PCDHGA3: variants seen among roughly 807,000 people sequenced by gnomAD.
PCDHGA3 encodes protocadherin gamma-A3.
In PCDHGA3, 40 loss-of-function variants were observed where a neutral mutation model predicts 58.5. The observed-to-expected ratio is 0.68, with a 90% CI of 0.53 to 0.89. The LOEUF (loss-of-function observed/expected upper bound fraction) is 0.89, where lower values mean the gene tolerates loss of function less well. Ranked by LOEUF, PCDHGA3 falls within the 40% of genes least tolerant of loss-of-function variation. PCDHGA3 has a pLI of 0.00. For missense variants in PCDHGA3, 1,223 were observed against 1,195.9 expected (o/e 1.02, Z -0.33); for synonymous variants, 530 against 525.7 (o/e 1.01, Z -0.11).
At chr5:141,423,994 A>G (rs2096794168) in intron 1 of PCDHGA3, 17 of 1,081,216 alleles carry the variant, frequency 1.6e-5, no homozygotes, top group Non-Finnish European at 1.8e-5. Flanking sequence ...TCAATTTATT[A>G]TATATAGATA....
rs752147264 is a variant in PCDHGA3, at chr5:141,398,602, G to C, written c.2424+52145G>C. 8 of 1,613,936 alleles carry C rather than the reference G, an allele frequency of 5.0e-6. No individual in the cohort carries two copies. The East Asian group carries it at 1.6e-4, about 31-fold the overall frequency. On this transcript the variant is annotated intron_variant, in intron 1 of 3. Transcript: ENST00000253812. ...AAGATTTATACTAGAAGTAGCAGAA[G>C]ATGCAGATATTGGCTTAAACTCTCT...
chr5:141,405,351 C>T (rs2094645564), intron 1 of PCDHGA3: 1 of 1,613,962 alleles, frequency 6.2e-7, no homozygotes, highest in Non-Finnish European at 8.5e-7. Context: ...TCCAAGTTTC[C>T]TATAGAAGAC....
chr5:141,460,924 A>ATG (rs1333352687), intron 1 of PCDHGA3, among the ~76,000 whole-genome samples: 26 of 150,590 alleles, frequency 1.7e-4, no homozygotes, highest in South Asian at 6.3e-4. Flanking sequence ...ATATATATAT[A>ATG]TGTGTGTGTG....
At chr5:141,421,985 C>A (rs762388624) in intron 1 of PCDHGA3, 1 of 1,608,432 alleles carries the variant, frequency 6.2e-7, no homozygotes, top group East Asian at 2.2e-5. Flanking sequence ...GTGAGTGTTC[C>A]AGAAAACATC....
At chr5:141,451,315 T>A (rs2154563546) in intron 1 of PCDHGA3, among the ~76,000 whole-genome samples, 1 of 152,330 alleles carries the variant, frequency 6.6e-6, no homozygotes, top group South Asian at 2.1e-4. Context: ...GCAATTAAAG[T>A]GTCACCTAAG....
chr5:141,345,133 CTCT>C lies in PCDHGA3; in HGVS notation c.1102_1104del (p.Leu368del), dbSNP rs1356108182. On this transcript the variant is annotated inframe_deletion, in exon 1 of 4. Coordinates refer to ENST00000253812, the MANE Select transcript of PCDHGA3 (RefSeq NM_018916.4). ...GAGGGCACCGTTGGAAGAGAAATTG[CTCT>C]TATCGACGTGCATGACCGAGATTCT... The C allele has an allele frequency of 1.2e-6, 2 of 1,613,834 alleles. No individual in the cohort carries two copies. Among genetic ancestry groups the C allele is most frequent in the Non-Finnish European group, 1.7e-6 (2 of 1,179,876 alleles).
At chr5:141,428,091 T>C (rs769710543) in intron 1 of PCDHGA3, 2 of 1,609,000 alleles carry the variant, frequency 1.2e-6, no homozygotes, top group East Asian at 2.2e-5. Flanking sequence ...CGCTTGGCTG[T>C]CCTACCACGT....
chr5:141,389,916 G>C lies in PCDHGA3; in HGVS notation c.2424+43459G>C, dbSNP rs747654268. 3.1e-6 allele frequency: 5 copies of C among 1,613,904 alleles called. No individual in the cohort carries two copies. In the African/African-American group the frequency reaches 6.7e-5, roughly 22 times the overall value. ...GCTGCCGGATATCACTGACCGCCCC[G>C]ACCCCTCTGACCTCCAGGCTGAGCT... On this transcript the variant is annotated intron_variant, in intron 1 of 3. Transcript: ENST00000253812.
intron 1 of PCDHGA3, chr5:141,346,673 A>C (rs1245560400): frequency 2.9e-6 from 2 of 696,314 alleles, no homozygotes; most frequent in African/African-American, 3.6e-5. Flanking sequence ...ATACATCGTG[A>C]GTGAAAGTAA....
chr5:141,413,953 C>A, intron 1 of PCDHGA3: 1 of 1,613,310 alleles, frequency 6.2e-7, no homozygotes, highest in Non-Finnish European at 8.5e-7. Context: ...TGAGAATTTG[C>A]CTGTGGGCAC....
At position 141,351,093 on chromosome 5, in the gene PCDHGA3, T is replaced by C. The variant is rs369082751; in HGVS notation, c.2424+4636T>C. On this transcript the variant is annotated intron_variant, in intron 1 of 3. Coordinates refer to ENST00000253812, the MANE Select transcript of PCDHGA3 (RefSeq NM_018916.4). ...ATTAATGCAGAGATCACCTATGCCTTCCTCAATTCCCCAATAAGTACCAGC... is the reference window on the plus strand; with the variant it reads ...ATTAATGCAGAGATCACCTATGCCTCCCTCAATTCCCCAATAAGTACCAGC... The C allele has an allele frequency of 1.5e-5, 24 of 1,614,042 alleles. No homozygotes were observed. In the East Asian group the frequency reaches 4.7e-4, roughly 31 times the overall value.
chr5:141,419,075 A>C (rs2096322774), intron 1 of PCDHGA3: 3 of 1,613,968 alleles, frequency 1.9e-6, no homozygotes, highest in South Asian at 1.1e-5. Flanking sequence ...CAAGCTAGTA[A>C]CAGATGAGGC....
intron 1 of PCDHGA3, chr5:141,364,410 G>A (rs2149857737): frequency 6.2e-7 from 1 of 1,612,210 alleles, no homozygotes; most frequent in Admixed American, 1.7e-5. Flanking sequence ...TGCGAGCCAG[G>A]ATCCGGGCAG....
At chr5:141,389,449 A>C in intron 1 of PCDHGA3, 2 of 1,610,538 alleles carry the variant, frequency 1.2e-6, no homozygotes, top group Non-Finnish European at 1.7e-6. Context: ...GACCACGAGC[A>C]GCTGCGCGCC....
At chr5:141,347,913 C>T (rs1758037623) in intron 1 of PCDHGA3, among the ~76,000 whole-genome samples, 1 of 152,124 alleles carries the variant, frequency 6.6e-6, no homozygotes, top group Non-Finnish European at 1.5e-5. Context: ...GTGGAAAGCT[C>T]ACCTAGCTAA....
rs1214164512 is a variant in PCDHGA3 at position 141,366,098 on chromosome 5, A to G, written c.2424+19641A>G. ...CGCAGAACCTGGCTACCTGGTGACC[A>G]AGGTGGTAGCGGTGGACAAAGATTC... On this transcript the variant is annotated intron_variant, in intron 1 of 3. Coordinates refer to ENST00000253812, the MANE Select transcript of PCDHGA3 (RefSeq NM_018916.4). The G allele has an allele frequency of 1.9e-6, 3 of 1,614,214 alleles. No homozygotes were observed. In the Admixed American group the frequency reaches 5.0e-5, roughly 27 times the overall value.
At chr5:141,408,780 A>G (rs1304526612) in intron 1 of PCDHGA3, 1 of 1,612,372 alleles carries the variant, frequency 6.2e-7, no homozygotes, top group Non-Finnish European at 8.5e-7. Flanking sequence ...AAATACCCAG[A>G]GTTATCTCTG....
intron 1 of PCDHGA3, among the ~76,000 whole-genome samples, chr5:141,460,684 T>C (rs1417815686): frequency 6.6e-6 from 1 of 152,074 alleles, no homozygotes; most frequent in Non-Finnish European, 1.5e-5. Context: ...TATCTATATA[T>C]CCACCAACAG....
chr5:141,401,250 GA>G (rs1387561920), intron 1 of PCDHGA3, among the ~76,000 whole-genome samples: 4 of 152,148 alleles, frequency 2.6e-5, no homozygotes, highest in African/African-American at 9.7e-5. Flanking sequence ...GCTAAGACAG[GA>G]GAATTGCTTG....
Sources: gnomAD v4.1 joint callset for allele counts (sites outside exome capture counted in the v4.1 genomes callset) on GRCh38, gnomAD v4.1.1 for gene constraint, MANE v1.5 for transcripts, NCBI Gene and HGNC (gene_info 2026-07-23, HGNC 2026-07-21) for gene names.